Variants in KCNN2 observed in about 807,000 individuals in gnomAD.
KCNN2 encodes the protein potassium calcium-activated channel subfamily N member 2, also known as small conductance calcium-activated potassium channel protein 2.
In KCNN2, 24 loss-of-function variants were observed where a neutral mutation model predicts 55.5. That is an observed-to-expected ratio of 0.43 (90% CI 0.31 to 0.61). The LOEUF is 0.61. KCNN2 is among the 20% of genes least tolerant of loss of function. KCNN2 has a pLI of 0.08. For missense variants in KCNN2, 754 were observed against 853.6 expected, an observed-to-expected ratio of 0.88 and a Z score of 1.45; for synonymous variants, 431 against 336.1, an observed-to-expected ratio of 1.28 and a Z score of -3.09.
rs914786814 is a variant in KCNN2 at position 114,385,517 on chromosome 5, GCGCACACACACACA to G, written c.1219-18919_1219-18906del. Among the ~76,000 whole-genome samples the G allele has an allele frequency of 1.2e-3, 106 of 88,974 alleles. 1 individual carries two copies. The highest frequency in any genetic ancestry group is 2.0e-3 in the Non-Finnish European group (95 of 47,142). The allele number at this position is 88,974 out of a possible 152,430, so 58.4% of individuals were successfully genotyped here. A position where few individuals can be genotyped will look rare whatever the true frequency, so the allele number is the denominator to read the frequency against. Reference sequence around the variant, plus strand: ...GTTTATTGACAGCATACACACATGCGCGCACACACACACACACACACACACACACACACACACAC... The same window carrying G: ...GTTTATTGACAGCATACACACATGCGCACACACACACACACACACACACAC... On this transcript the variant is annotated intron_variant, in intron 2 of 7. Coordinates refer to ENST00000673685, the MANE Select transcript of KCNN2 (RefSeq NM_021614.4).
At chr5:114,311,622 G>A (rs1561566015) in intron 2 of KCNN2, among the ~76,000 whole-genome samples, 1 of 152,016 alleles carries the variant, frequency 6.6e-6, no homozygotes, top group East Asian at 1.9e-4. Flanking sequence ...AGTTGCTTTG[G>A]TTTTATCAAG....
At chr5:114,234,697 G>A (rs1754437754) in intron 2 of KCNN2, among the ~76,000 whole-genome samples, 1 of 152,082 alleles carries the variant, frequency 6.6e-6, no homozygotes, top group Non-Finnish European at 1.5e-5. Flanking sequence ...GTGGAGAAGA[G>A]GGGAGTGAGG....
chr5:114,320,053 T>G (rs779529179), intron 2 of KCNN2, among the ~76,000 whole-genome samples: 4 of 152,190 alleles, frequency 2.6e-5, no homozygotes, highest in Non-Finnish European at 5.9e-5. Flanking sequence ...CCATCTTTTT[T>G]TAAAATGGAA....
intron 2 of KCNN2, among the ~76,000 whole-genome samples, chr5:114,260,542 T>G (rs1177728317): frequency 6.6e-6 from 1 of 152,218 alleles, no homozygotes; most frequent in East Asian, 1.9e-4. Flanking sequence ...GTGTAAAATC[T>G]TTTAGAGCAA....
At chr5:114,210,639 C>G (rs180921044) in intron 1 of KCNN2, among the ~76,000 whole-genome samples, 8 of 152,174 alleles carry the variant, frequency 5.3e-5, no homozygotes, top group Admixed American at 2.6e-4. Flanking sequence ...GAAAATTAAT[C>G]TATAAATGCT....
intron 2 of KCNN2, among the ~76,000 whole-genome samples, chr5:114,269,360 C>T (rs1755274390): frequency 6.6e-6 from 1 of 152,150 alleles, no homozygotes; most frequent in Admixed American, 6.5e-5. Context: ...AACTTCCAAA[C>T]TGATTCTTTG....
At chr5:114,227,923 G>A (rs1159456464) in intron 2 of KCNN2, among the ~76,000 whole-genome samples, 1 of 152,090 alleles carries the variant, frequency 6.6e-6, no homozygotes, top group Non-Finnish European at 1.5e-5. Context: ...GTGAATATAT[G>A]TTGATTCATT....
Position 114,244,611 on chromosome 5 carries a change from T to A in KCNN2, c.-185+23046T>A, listed in dbSNP as rs1330389319. Among the ~76,000 whole-genome samples, 4 of 146,120 alleles carry A rather than the reference T, an allele frequency of 2.7e-5. No individual in the cohort carries two copies. In the East Asian group the frequency reaches 8.0e-4, roughly 29 times the overall value. Reference sequence around the variant, plus strand: ...AAACTCTGGGGCGGGCATGGGGGGTTATTGGGGGGAGTGTGGAGGGGAGAG... The same window carrying A: ...AAACTCTGGGGCGGGCATGGGGGGTAATTGGGGGGAGTGTGGAGGGGAGAG... On this transcript the variant is annotated intron_variant, in intron 2 of 10. Coordinates refer to the KCNN2 transcript ENST00000512097.
intron 1 of KCNN2, among the ~76,000 whole-genome samples, chr5:114,208,356 C>T (rs1156754926): frequency 6.6e-6 from 1 of 152,154 alleles, no homozygotes. Flanking sequence ...TTTTTAACTT[C>T]ACAGAGGGAA....
chr5:114,326,875 T>C (rs1326117827), intron 2 of KCNN2, among the ~76,000 whole-genome samples: 1 of 152,222 alleles, frequency 6.6e-6, no homozygotes, highest in Non-Finnish European at 1.5e-5. Context: ...CTGTTGCTGC[T>C]AATAGTGTAT....
intron 1 of KCNN2, among the ~76,000 whole-genome samples, chr5:114,160,569 C>G (rs541915818): frequency 6.6e-6 from 1 of 152,248 alleles, no homozygotes; most frequent in African/African-American, 2.4e-5. Context: ...TTTTAACTTT[C>G]TGTCTCGTTG....
chr5:114,279,905 C>G (rs1038851619), intron 2 of KCNN2, among the ~76,000 whole-genome samples: 5 of 152,166 alleles, frequency 3.3e-5, no homozygotes, highest in African/African-American at 1.2e-4. Context: ...AACTAGTTTA[C>G]AGTCCCACCA....
intron 2 of KCNN2, 140 bp from the exon 3 acceptor site, chr5:114,404,298 C>G (rs1349024399): frequency 1.6e-6 from 1 of 641,340 alleles, no homozygotes; most frequent in African/African-American, 1.8e-5. Flanking sequence ...AAATAGTATA[C>G]CTGGCTAGCA....
intron 1 of KCNN2, among the ~76,000 whole-genome samples, chr5:114,097,019 G>A (rs1008745153): frequency 6.6e-6 from 1 of 152,252 alleles, no homozygotes; most frequent in Non-Finnish European, 1.5e-5. Context: ...AGTAAGTAAA[G>A]GAGCAGAGAT....
intron 2 of KCNN2, among the ~76,000 whole-genome samples, chr5:114,320,754 C>T (rs1453983443): frequency 6.6e-6 from 1 of 152,172 alleles, no homozygotes; most frequent in Non-Finnish European, 1.5e-5. Context: ...TCTTCTTCTC[C>T]ATTCATTCCA....
intron 1 of KCNN2, among the ~76,000 whole-genome samples, chr5:114,165,360 T>C (rs1372721595): frequency 6.6e-6 from 1 of 152,206 alleles, no homozygotes; most frequent in Non-Finnish European, 1.5e-5. Context: ...ACTTGATGAA[T>C]AGTAAACATA....
chr5:114,493,374 C>A (rs759076484), intron 6 of KCNN2, 29 bp from the exon 7 acceptor site: 4 of 1,397,964 alleles, frequency 2.9e-6, no homozygotes, highest in Admixed American at 1.7e-5. Context: ...AAGAAGGGAA[C>A]CTTTCTGATA....
intron 2 of KCNN2, among the ~76,000 whole-genome samples, chr5:114,375,952 G>GTATGTATATATATATATATATATA (rs1757917060): frequency 9.5e-6 from 1 of 104,720 alleles, no homozygotes; most frequent in Non-Finnish European, 1.9e-5. Context: ...GACTCACAGT[G>GTATGTATATATATATATATATATA]TATATATATA....
intron 3 of KCNN2, among the ~76,000 whole-genome samples, chr5:114,414,537 C>T (rs1005120370): frequency 2.0e-5 from 3 of 152,128 alleles, no homozygotes; most frequent in Non-Finnish European, 2.9e-5. Context: ...GTCTGTCCCA[C>T]CCTGATAGTT....
Sources: gnomAD v4.1 joint callset for allele counts (sites outside exome capture counted in the v4.1 genomes callset) on GRCh38, gnomAD v4.1.1 for gene constraint, MANE v1.5 for transcripts, NCBI Gene and HGNC (gene_info 2026-07-23, HGNC 2026-07-21) for gene names.